STPG2: variants seen among roughly 807,000 people sequenced by gnomAD.
The protein encoded by STPG2 is sperm tail PG-rich repeat containing 2.
In STPG2, 56 loss-of-function variants were observed where a neutral mutation model predicts 54.2. The observed-to-expected ratio is 1.03, with a 90% CI of 0.83 to 1.29. STPG2 has a LOEUF of 1.29. Ranked by LOEUF, STPG2 falls within the 50% of genes most tolerant of loss-of-function variation. STPG2 has a pLI of 0.00. For missense variants in STPG2, 596 were observed against 544.9 expected (o/e 1.09, Z -0.93); for synonymous variants, 200 against 181.8 (o/e 1.10, Z -0.81).
intron 4 of STPG2, among the ~76,000 whole-genome samples, chr4:97,463,082 C>A (rs566295528): frequency 3.3e-5 from 5 of 152,166 alleles, no homozygotes; most frequent in Admixed American, 2.0e-4. Context: ...CACCATTATT[C>A]TGTATGCAAA....
chr4:97,640,354 A>AT (rs1721724455), intron 10 of STPG2, among the ~76,000 whole-genome samples: 1 of 152,046 alleles, frequency 6.6e-6, no homozygotes, highest in South Asian at 2.1e-4. Flanking sequence ...TTACATATAT[A>AT]TTTTTTTAAG....
intron 9 of STPG2, among the ~76,000 whole-genome samples, chr4:97,808,283 T>A (rs1727632667): frequency 6.6e-6 from 1 of 151,864 alleles, no homozygotes; most frequent in Non-Finnish European, 1.5e-5. Flanking sequence ...TTCTAAGGTA[T>A]AAATAAATCA....
At chr4:98,057,496 G>A (rs1737518127) in intron 5 of STPG2, among the ~76,000 whole-genome samples, 1 of 152,006 alleles carries the variant, frequency 6.6e-6, no homozygotes, top group Non-Finnish European at 1.5e-5. Context: ...AAGCCAGGCA[G>A]ACAAGAATAG....
At chr4:98,055,678 G>A (rs1737459256) in intron 5 of STPG2, among the ~76,000 whole-genome samples, 1 of 152,174 alleles carries the variant, frequency 6.6e-6, no homozygotes, top group Non-Finnish European at 1.5e-5. Context: ...ATCTGTAGTA[G>A]AACACAGCCA....
intron 5 of STPG2, among the ~76,000 whole-genome samples, chr4:98,037,506 A>C (rs531866293): frequency 6.6e-6 from 1 of 152,180 alleles, no homozygotes; most frequent in Non-Finnish European, 1.5e-5. Context: ...CTATAAGTAA[A>C]ATTTAATAAG....
At chr4:97,689,412 A>G (rs1196134197) in intron 10 of STPG2, among the ~76,000 whole-genome samples, 1 of 151,804 alleles carries the variant, frequency 6.6e-6, no homozygotes, top group Non-Finnish European at 1.5e-5. Context: ...TCTCTCTCTT[A>G]CTCTCTCTTA....
chr4:97,547,778 G>A (rs1410113716), intron 4 of STPG2, among the ~76,000 whole-genome samples: 1 of 152,134 alleles, frequency 6.6e-6, no homozygotes, highest in Non-Finnish European at 1.5e-5. Context: ...CATTCCAAGT[G>A]ATGTGTCCAG....
intron 8 of STPG2, among the ~76,000 whole-genome samples, chr4:97,854,458 T>C (rs1729266744): frequency 6.7e-6 from 1 of 148,464 alleles, no homozygotes; most frequent in Non-Finnish European, 1.5e-5. Flanking sequence ...ATAATAACAA[T>C]ATAATATAAT....
intron 8 of STPG2, among the ~76,000 whole-genome samples, chr4:97,874,725 C>T (rs1362040159): frequency 1.3e-5 from 2 of 151,654 alleles, no homozygotes; most frequent in Non-Finnish European, 3.0e-5. Flanking sequence ...AATGTGCCCC[C>T]CCAAAATTTG....
At chr4:97,453,288 G>A (rs978476362) in intron 4 of STPG2, among the ~76,000 whole-genome samples, 1 of 152,232 alleles carries the variant, frequency 6.6e-6, no homozygotes, top group Non-Finnish European at 1.5e-5. Context: ...CACTGGAGCT[G>A]CCCACCCTGC....
At chr4:97,654,727 T>A (rs554416452) in intron 10 of STPG2, among the ~76,000 whole-genome samples, 1 of 152,036 alleles carries the variant, frequency 6.6e-6, no homozygotes, top group African/African-American at 2.4e-5. Flanking sequence ...GTCAATAAAA[T>A]CTCTTGAATG....
At chr4:97,893,356 C>T (rs907579789) in intron 8 of STPG2, among the ~76,000 whole-genome samples, 8 of 152,028 alleles carry the variant, frequency 5.3e-5, no homozygotes, top group Non-Finnish European at 1.5e-5. Context: ...CACACTGAAA[C>T]ATTTGGTAAT....
chr4:97,724,701 A>G (rs1724562645), intron 9 of STPG2, among the ~76,000 whole-genome samples: 1 of 152,090 alleles, frequency 6.6e-6, no homozygotes, highest in Admixed American at 6.6e-5. Flanking sequence ...TTTTTGTGTT[A>G]TTAGGTATTC....
At chr4:97,657,570 C>T (rs1458220735) in intron 10 of STPG2, among the ~76,000 whole-genome samples, 1 of 152,154 alleles carries the variant, frequency 6.6e-6, no homozygotes, top group Non-Finnish European at 1.5e-5. Flanking sequence ...ATCCTAGTCT[C>T]AGGTGGTGAA....
At chr4:97,940,951 C>CT (rs1442916445) in intron 8 of STPG2, among the ~76,000 whole-genome samples, 1 of 151,936 alleles carries the variant, frequency 6.6e-6, no homozygotes, top group Non-Finnish European at 1.5e-5. Context: ...CTTTTGTTTC[C>CT]TTTTTTTATT....
intron 9 of STPG2, among the ~76,000 whole-genome samples, chr4:97,783,182 C>G (rs1193018601): frequency 2.0e-5 from 3 of 152,176 alleles, no homozygotes; most frequent in Admixed American, 2.0e-4. Flanking sequence ...ATCTACTCAT[C>G]TGACAAAGGG....
At chr4:97,712,228 G>A (rs1724145885) in intron 10 of STPG2, among the ~76,000 whole-genome samples, 1 of 152,052 alleles carries the variant, frequency 6.6e-6, no homozygotes, top group Admixed American at 6.6e-5. Flanking sequence ...ATGATCAGAA[G>A]GTCCATAGGT....
At chr4:98,064,029 G>A (rs1737748613) in intron 5 of STPG2, among the ~76,000 whole-genome samples, 1 of 151,954 alleles carries the variant, frequency 6.6e-6, no homozygotes, top group Admixed American at 6.6e-5. Flanking sequence ...TAAAAGATAT[G>A]GAAGTTTTTA....
In STPG2 at chr4:97,675,666, G is replaced by T. The variant is rs569966253; in HGVS notation, c.1320+37033C>A. 2.6e-4 allele frequency among the ~76,000 whole-genome samples: 40 copies of T among 151,392 alleles called. 1 individual carries two copies. In the South Asian group the frequency reaches 8.4e-3, roughly 32 times the overall value. On this transcript the variant is annotated intron_variant, in intron 10 of 10. Transcript: ENST00000295268. ...TTGTTCTGTTTTGTTTCCATGTGTG[G>T]GTGCATTTGTGTGTGTGTGTGTGTG...
Sources: allele counts gnomAD v4.1 joint callset (sites outside exome capture counted in the v4.1 genomes callset), GRCh38; gene constraint gnomAD v4.1.1; transcripts MANE v1.5; gene names NCBI Gene and HGNC (gene_info 2026-07-23, HGNC 2026-07-21).